NLGN1: variants seen among roughly 807,000 people sequenced by gnomAD.
The protein encoded by NLGN1 is neuroligin 1, also known as neuroligin-1.
Under a neutral mutation model 65.5 loss-of-function variants are expected in NLGN1, and 12 were observed. That is an observed-to-expected ratio of 0.18 (90% CI 0.12 to 0.30). The LOEUF (loss-of-function observed/expected upper bound fraction) is 0.30, where lower values mean the gene tolerates loss of function less well. Ranked by LOEUF, NLGN1 falls within the 10% of genes least tolerant of loss-of-function variation. The probability of loss-of-function intolerance (pLI) is 1.00; values close to 1 mark genes in which losing one functional copy is unlikely to be tolerated. For synonymous variants in NLGN1, 350 were observed against 359.5 expected, an observed-to-expected ratio of 0.97 and a Z score of 0.30; for missense variants, 750 against 1,007.1, an observed-to-expected ratio of 0.74 and a Z score of 3.46.
chr3:174,293,337 G>C, the NLGN1 span, among the ~76,000 whole-genome samples: 1 of 150,936 alleles, frequency 6.6e-6, no homozygotes, highest in African/African-American at 2.4e-5. Flanking sequence ...TTCTGTACCT[G>C]GATTATATTT....
At chr3:173,623,602 G>A (rs898082755) in intron 3 of NLGN1, among the ~76,000 whole-genome samples, 1 of 152,116 alleles carries the variant, frequency 6.6e-6, no homozygotes, top group African/African-American at 2.4e-5. Context: ...CGTGGCTGCA[G>A]TTGAGCTGGG....
At chr3:173,742,975 A>T (rs1013313139) in intron 3 of NLGN1, among the ~76,000 whole-genome samples, 8 of 152,146 alleles carry the variant, frequency 5.3e-5, no homozygotes, top group African/African-American at 1.9e-4. Context: ...TACACCCATA[A>T]TCTTCAATAT....
At chr3:174,221,238 G>A (rs1462410675) in intron 4 of NLGN1, among the ~76,000 whole-genome samples, 2 of 152,104 alleles carry the variant, frequency 1.3e-5, no homozygotes, top group Non-Finnish European at 2.9e-5. Flanking sequence ...TGAAAGGTAA[G>A]TACCATTCTA....
chr3:173,879,534 G>A (rs867201323), intron 4 of NLGN1, among the ~76,000 whole-genome samples: 2 of 152,152 alleles, frequency 1.3e-5, no homozygotes, highest in African/African-American at 4.8e-5. Context: ...AGTTATAATA[G>A]CTGTTTAAAA....
chr3:173,594,310 G>T (rs1279714438), intron 2 of NLGN1, among the ~76,000 whole-genome samples: 2 of 152,222 alleles, frequency 1.3e-5, no homozygotes, highest in Admixed American at 6.5e-5. Context: ...CCAAATGGGA[G>T]AAATTGGCCA....
chr3:173,702,204 A>T (rs1020409949), intron 3 of NLGN1, among the ~76,000 whole-genome samples: 4 of 147,830 alleles, frequency 2.7e-5, no homozygotes, highest in Non-Finnish European at 6.0e-5. Flanking sequence ...CCGCCACTGC[A>T]CTCCAGCCTG....
intron 1 of NLGN1, among the ~76,000 whole-genome samples, chr3:173,434,695 C>T (rs1034122939): frequency 1.4e-4 from 21 of 151,978 alleles, no homozygotes; most frequent in African/African-American, 5.1e-4. Context: ...AAAATGACAC[C>T]CTATAAAATA....
chr3:173,539,360 G>A (rs1014900384), intron 2 of NLGN1, among the ~76,000 whole-genome samples: 3 of 147,744 alleles, frequency 2.0e-5, no homozygotes, highest in Non-Finnish European at 4.5e-5. Flanking sequence ...ATCTGTTTGG[G>A]CTCCATCATA....
At chr3:174,277,512 A>G (rs1325679158) in intron 5 of NLGN1, among the ~76,000 whole-genome samples, 1 of 151,908 alleles carries the variant, frequency 6.6e-6, no homozygotes, top group Non-Finnish European at 1.5e-5. Flanking sequence ...CACCAGGTGC[A>G]TTTTAGTTAC....
At chr3:174,267,530 T>C (rs1314190564) in intron 4 of NLGN1, among the ~76,000 whole-genome samples, 1 of 152,146 alleles carries the variant, frequency 6.6e-6, no homozygotes, top group Non-Finnish European at 1.5e-5. Context: ...TTTAGGACCT[T>C]GGCCTGTATT....
intron 4 of NLGN1, among the ~76,000 whole-genome samples, chr3:174,146,724 C>A (rs530904163): frequency 6.6e-6 from 1 of 152,040 alleles, no homozygotes; most frequent in African/African-American, 2.4e-5. Flanking sequence ...CCCGCCACTG[C>A]GCCGGGCTAA....
intron 4 of NLGN1, among the ~76,000 whole-genome samples, chr3:174,041,203 C>T (rs1579946490): frequency 1.3e-5 from 2 of 152,034 alleles, no homozygotes; most frequent in Non-Finnish European, 2.9e-5. Context: ...TTTAATATTG[C>T]CTGTTTAGAA....
intron 1 of NLGN1, among the ~76,000 whole-genome samples, chr3:173,434,591 A>G (rs1393831812): frequency 6.6e-6 from 1 of 152,202 alleles, no homozygotes; most frequent in Admixed American, 6.5e-5. Context: ...ACTCTCTACA[A>G]TCTACTTTCA....
chr3:173,783,746 T>C (rs1398241412), intron 3 of NLGN1, among the ~76,000 whole-genome samples: 1 of 152,120 alleles, frequency 6.6e-6, no homozygotes, highest in African/African-American at 2.4e-5. Context: ...TCCTGAGTTG[T>C]TGAGATTACA....
intron 2 of NLGN1, among the ~76,000 whole-genome samples, chr3:173,529,245 T>G (rs1297283366): frequency 2.0e-5 from 3 of 152,190 alleles, no homozygotes; most frequent in Non-Finnish European, 2.9e-5. Context: ...TTGTGTGGTT[T>G]GACCTACCGG....
At chr3:174,265,005 G>T (rs1484917714) in intron 4 of NLGN1, among the ~76,000 whole-genome samples, 3 of 152,102 alleles carry the variant, frequency 2.0e-5, no homozygotes, top group South Asian at 2.1e-4. Context: ...GGGGGTCAGG[G>T]GTCAGGGACC....
chr3:173,941,720 A>T (rs987857449), intron 4 of NLGN1, among the ~76,000 whole-genome samples: 1 of 151,926 alleles, frequency 6.6e-6, no homozygotes, highest in African/African-American at 2.4e-5. Flanking sequence ...AATACTATAT[A>T]TTTGTAGAAA....
chr3:174,148,181 G>A (rs1723694034), intron 4 of NLGN1, among the ~76,000 whole-genome samples: 1 of 152,128 alleles, frequency 6.6e-6, no homozygotes, highest in Non-Finnish European at 1.5e-5. Context: ...TGTAGATGTT[G>A]CACTGTTTTT....
Position 174,176,422 on chromosome 3 carries a change from A to C in NLGN1, c.647-98893A>C, listed in dbSNP as rs113895392. Reference sequence around the variant, plus strand: ...AAAAATCATCAGTGGTATTTTTAAAAGTTCCAGCCATAATGTATGTTGCAA... The same window carrying C: ...AAAAATCATCAGTGGTATTTTTAAACGTTCCAGCCATAATGTATGTTGCAA... On this transcript the variant is annotated intron_variant, in intron 4 of 6. Transcript: ENST00000457714. Among the ~76,000 whole-genome samples, 392 of 152,126 alleles carry C rather than the reference A, an allele frequency of 2.6e-3. 3 individuals carry two copies. Among genetic ancestry groups the C allele is most frequent in the African/African-American group, 8.7e-3 (361 of 41,560 alleles).
Sources: allele counts gnomAD v4.1 joint callset (sites outside exome capture counted in the v4.1 genomes callset), GRCh38; gene constraint gnomAD v4.1.1; transcripts MANE v1.5; gene names NCBI Gene and HGNC (gene_info 2026-07-23, HGNC 2026-07-21).